The following PTPRM variants were observed in gnomAD, a reference collection of about 807,000 sequenced individuals.
PTPRM encodes receptor-type tyrosine-protein phosphatase mu.
Under a neutral mutation model 186.7 loss-of-function variants are expected in PTPRM, and 47 were observed. That is an observed-to-expected ratio of 0.25 (90% confidence interval 0.20 to 0.32). PTPRM has a LOEUF of 0.32. Among genes scored for constraint, PTPRM ranks in the 10% least tolerant of loss-of-function variants. The probability of loss-of-function intolerance (pLI) is 1.00; values close to 1 mark genes in which losing one functional copy is unlikely to be tolerated. For missense variants in PTPRM, 1,494 were observed against 1,865.0 expected, an observed-to-expected ratio of 0.80 and a Z score of 3.66; for synonymous variants, 668 against 674.9, an observed-to-expected ratio of 0.99 and a Z score of 0.16.
chr18:8,117,294 C>G (rs763823567), intron 13 of PTPRM, among the ~76,000 whole-genome samples: 6 of 152,156 alleles, frequency 3.9e-5, no homozygotes, highest in Non-Finnish European at 8.8e-5. Context: ...TTGCCACATA[C>G]TGCTCACAGT....
chr18:7,681,221 T>C (rs2144573327), intron 1 of PTPRM, among the ~76,000 whole-genome samples: 1 of 151,518 alleles, frequency 6.6e-6, no homozygotes. Context: ...TAATAATGGA[T>C]AAACTTAATG....
At chr18:7,571,029 C>T (rs983710918) in intron 1 of PTPRM, among the ~76,000 whole-genome samples, 1 of 151,708 alleles carries the variant, frequency 6.6e-6, no homozygotes, top group Non-Finnish European at 1.5e-5. Flanking sequence ...ACCTCCACCT[C>T]CCGGGTTCGA....
rs749556273 is a variant in PTPRM at position 8,376,137 on chromosome 18, G to A, written c.3263G>A (p.Gly1088Glu). Residue 1088 changes from glycine (G) to glutamate (E), a missense_variant, in exon 25 of 33, where the codon GGA becomes GAA. Gly to Glu is a moderately conservative substitution (Grantham distance 98). This residue lies in a region of PTPRM where 1,107 missense variants were observed against 1,350.2 expected (regional missense o/e 0.82). Transcript: ENST00000580170. ...GVPYHATGLLGFVRQVKSKSP... is the reference protein window; with the variant it reads ...GVPYHATGLLEFVRQVKSKSP... ...CCCTACCATGCCACCGGCCTGCTGG[G>A]ATTCGTGCGGCAAGTCAAGTCCAAG... 1 of 1,613,994 alleles carries A rather than the reference G, an allele frequency of 6.2e-7. No individual in the cohort carries two copies. Among genetic ancestry groups the A allele is most frequent in the Non-Finnish European group, 8.5e-7 (1 of 1,180,022 alleles).
At chr18:7,711,016 G>A (rs2040200789) in intron 1 of PTPRM, among the ~76,000 whole-genome samples, 1 of 152,102 alleles carries the variant, frequency 6.6e-6, no homozygotes, top group Non-Finnish European at 1.5e-5. Flanking sequence ...TCAAAATACT[G>A]ATGTGGGTTG....
chr18:7,930,020 T>C (rs564498082), intron 5 of PTPRM, among the ~76,000 whole-genome samples: 1 of 152,324 alleles, frequency 6.6e-6, no homozygotes, highest in Non-Finnish European at 1.5e-5. Context: ...TATTTAGAAA[T>C]TAATAATACA....
intron 1 of PTPRM, among the ~76,000 whole-genome samples, chr18:7,734,862 C>T (rs1247577983): frequency 3.9e-5 from 6 of 152,124 alleles, no homozygotes; most frequent in Non-Finnish European, 5.9e-5. Flanking sequence ...TTTGCTACAG[C>T]TTGAGCTCCT....
At chr18:8,096,165 A>G (rs1408814252) in intron 11 of PTPRM, among the ~76,000 whole-genome samples, 1 of 152,152 alleles carries the variant, frequency 6.6e-6, no homozygotes, top group South Asian at 2.1e-4. Flanking sequence ...AGAGTGTGAA[A>G]TGCTTCTCTC....
At chr18:7,860,910 A>T (rs1310487229) in intron 2 of PTPRM, among the ~76,000 whole-genome samples, 1 of 152,166 alleles carries the variant, frequency 6.6e-6, no homozygotes, top group Non-Finnish European at 1.5e-5. Flanking sequence ...AATTATGCTG[A>T]CTAGTGCTGT....
chr18:7,937,485 C>T (rs1450451250), intron 5 of PTPRM, among the ~76,000 whole-genome samples: 2 of 152,178 alleles, frequency 1.3e-5, no homozygotes, highest in African/African-American at 4.8e-5. Context: ...CTCACACACC[C>T]GTCACCTCTC....
chr18:7,726,740 C>T (rs1426871669), intron 1 of PTPRM, among the ~76,000 whole-genome samples: 1 of 152,190 alleles, frequency 6.6e-6, no homozygotes, highest in African/African-American at 2.4e-5. Flanking sequence ...TGTAATGTGA[C>T]TTCCCTATTT....
intron 3 of PTPRM, among the ~76,000 whole-genome samples, chr18:7,888,852 C>A (rs546783635): frequency 1.7e-3 from 256 of 152,080 alleles, no homozygotes; most frequent in African/African-American, 5.7e-3. Context: ...TTATCCCAAG[C>A]GAATTAATGC....
At chr18:8,236,730 C>G (rs966885644) in intron 14 of PTPRM, among the ~76,000 whole-genome samples, 1 of 151,852 alleles carries the variant, frequency 6.6e-6, no homozygotes, top group Non-Finnish European at 1.5e-5. Flanking sequence ...TTGGTAGAGA[C>G]AGGGTTTCAC....
chr18:8,394,358 C>A, intron 31 of PTPRM, 118 bp from the exon 32 acceptor site: 1 of 1,164,566 alleles, frequency 8.6e-7, no homozygotes, highest in Non-Finnish European at 1.2e-6. Flanking sequence ...GGTCCCCCGG[C>A]CTCAGAGCCC....
rs562198287 is a variant in PTPRM, at chr18:8,092,595, T to G, written c.1856+3744T>G. 3.3e-5 allele frequency among the ~76,000 whole-genome samples: 5 copies of G among 152,148 alleles called. No homozygotes were observed. The East Asian group carries it at 5.8e-4, about 18-fold the overall frequency. On this transcript the variant is annotated intron_variant, in intron 11 of 32. Coordinates refer to ENST00000580170, the MANE Select transcript of PTPRM (RefSeq NM_001105244.2). Reference sequence around the variant, plus strand: ...CCCCTGGCAAATTCAAGGAGCATATTCACCAATACTGACATGACCCTTCCT... The same window carrying G: ...CCCCTGGCAAATTCAAGGAGCATATGCACCAATACTGACATGACCCTTCCT...
At chr18:7,937,370 AG>A (rs2051883183) in intron 5 of PTPRM, among the ~76,000 whole-genome samples, 3 of 152,172 alleles carry the variant, frequency 2.0e-5, no homozygotes, top group African/African-American at 4.8e-5. Context: ...CAGCCTTGGA[AG>A]CTGCTTGCAG....
At position 8,095,422 on chromosome 18, in the gene PTPRM, G is replaced by A. The variant is rs187306835; in HGVS notation, c.1856+6571G>A. Among the ~76,000 whole-genome samples, 645 of 152,220 alleles carry A rather than the reference G, an allele frequency of 4.2e-3. 9 individuals carry two copies. Among genetic ancestry groups the A allele is most frequent in the African/African-American group, 0.015 (605 of 41,528 alleles). ...ATGAAGACAGGGAGGACTGAGTTTG[G>A]CCTGATCTGAGAATGAGAAGTGTGT... is the stretch of plus-strand genomic sequence containing the variant. On this transcript the variant is annotated intron_variant, in intron 11 of 32. Coordinates refer to ENST00000580170, the MANE Select transcript of PTPRM (RefSeq NM_001105244.2).
At chr18:8,387,757 C>CGT (rs1270147814) in intron 31 of PTPRM, among the ~76,000 whole-genome samples, 43 of 80,074 alleles carry the variant, frequency 5.4e-4, no homozygotes, top group African/African-American at 9.4e-4. Context: ...TGCGTGTGTG[C>CGT]GTGTGTGTGC....
At chr18:8,353,611 G>C (rs180811899) in intron 23 of PTPRM, among the ~76,000 whole-genome samples, 2 of 152,172 alleles carry the variant, frequency 1.3e-5, no homozygotes, top group African/African-American at 4.8e-5. Context: ...TTGCTATAAA[G>C]GATATTAACC....
At chr18:8,209,877 G>T (rs1173840429) in intron 14 of PTPRM, among the ~76,000 whole-genome samples, 1 of 151,102 alleles carries the variant, frequency 6.6e-6, no homozygotes, top group East Asian at 2.0e-4. Context: ...TACATGTGGG[G>T]CTTAAAACCT....
Sources: allele counts gnomAD v4.1 joint callset (sites outside exome capture counted in the v4.1 genomes callset), GRCh38; gene constraint gnomAD v4.1.1; regional missense constraint gnomAD v4.1.1; transcripts MANE v1.5; gene names NCBI Gene and HGNC (gene_info 2026-07-23, HGNC 2026-07-21).